Variants in HDAC9 observed in about 807,000 individuals in gnomAD.
The protein encoded by HDAC9 is MEF-2 interacting transcription repressor (MITR) protein.
Under a neutral mutation model 139.4 loss-of-function variants are expected in HDAC9, and 41 were observed. The observed-to-expected ratio is 0.29, with a 90% CI of 0.23 to 0.38. HDAC9 has a LOEUF of 0.38. Among genes scored for constraint, HDAC9 ranks in the 10% least tolerant of loss-of-function variants. The pLI is 1.00. For missense variants in HDAC9, 1,147 were observed against 1,297.0 expected, an observed-to-expected ratio of 0.88 and a Z score of 1.78; for synonymous variants, 517 against 476.2, an observed-to-expected ratio of 1.09 and a Z score of -1.12.
chr7:18,759,191 C>T (rs76722806), intron 14 of HDAC9, among the ~76,000 whole-genome samples: 7 of 152,128 alleles, frequency 4.6e-5, no homozygotes, highest in Admixed American at 1.3e-4. Context: ...AGGGGATGAC[C>T]GATTCAGCAG....
intron 24 of HDAC9, among the ~76,000 whole-genome samples, chr7:18,967,490 A>G (rs1783939378): frequency 7.2e-6 from 1 of 138,776 alleles, no homozygotes; most frequent in African/African-American, 3.0e-5. Context: ...TTTTGTAAAT[A>G]AAGTTGCCCC....
chr7:18,837,098 A>G (rs1455469522), intron 21 of HDAC9, among the ~76,000 whole-genome samples: 3 of 152,050 alleles, frequency 2.0e-5, no homozygotes, highest in African/African-American at 7.2e-5. Context: ...GGTCCAGGAA[A>G]AATGATAGAA....
At chr7:18,249,522 AAC>A (rs1398714611) in intron 2 of HDAC9, among the ~76,000 whole-genome samples, 4,686 of 63,146 alleles carry the variant, frequency 0.074, 440 homozygotes, top group Non-Finnish European at 0.12. Context: ...AAAAAAAAAA[AAC>A]AAAAAAAAAA....
At chr7:18,109,644 T>G (rs1783477489) in intron 1 of HDAC9, among the ~76,000 whole-genome samples, 1 of 152,180 alleles carries the variant, frequency 6.6e-6, no homozygotes, top group Non-Finnish European at 1.5e-5. Flanking sequence ...ATTAAATTTC[T>G]TTAATTGCTG....
chr7:18,879,346 A>G (rs2129252953), intron 22 of HDAC9, among the ~76,000 whole-genome samples: 2 of 152,288 alleles, frequency 1.3e-5, no homozygotes, highest in African/African-American at 4.8e-5. Context: ...AAGAGCCCAA[A>G]TAGCTAAGGC....
chr7:18,437,604 G>A (rs1791330220), intron 1 of HDAC9, among the ~76,000 whole-genome samples: 1 of 149,384 alleles, frequency 6.7e-6, no homozygotes, highest in African/African-American at 2.5e-5. Flanking sequence ...TTTATATAAA[G>A]TATGATATGA....
chr7:18,880,092 C>A (rs1277615003), intron 22 of HDAC9, among the ~76,000 whole-genome samples: 1 of 152,094 alleles, frequency 6.6e-6, no homozygotes, highest in Non-Finnish European at 1.5e-5. Context: ...GAAATGCGAT[C>A]AAAGCCACAA....
chr7:18,687,639 A>T (rs564164548), intron 12 of HDAC9, among the ~76,000 whole-genome samples: 2 of 151,958 alleles, frequency 1.3e-5, no homozygotes, highest in South Asian at 4.1e-4. Flanking sequence ...AAATTATTTC[A>T]ACATATCGAG....
At chr7:18,355,300 G>GT (rs11445595) in intron 1 of HDAC9, among the ~76,000 whole-genome samples, 4,892 of 152,168 alleles carry the variant, frequency 0.032, 268 homozygotes, top group African/African-American at 0.11. Flanking sequence ...ACAAAGGATG[G>GT]TTTAGAGCCT....
intron 14 of HDAC9, among the ~76,000 whole-genome samples, chr7:18,758,241 A>C (rs1007822526): frequency 1.4e-4 from 22 of 152,228 alleles, no homozygotes; most frequent in Non-Finnish European, 2.9e-5. Flanking sequence ...TGTGTGCCCC[A>C]ATATGCTCAG....
intron 1 of HDAC9, among the ~76,000 whole-genome samples, chr7:18,312,693 T>A (rs1224869389): frequency 1.3e-5 from 2 of 152,248 alleles, no homozygotes; most frequent in Admixed American, 6.5e-5. Context: ...AAGATCAAAT[T>A]GTTGAATTAG....
chr7:18,162,225 C>G (rs1369226658), intron 1 of HDAC9: 1 of 998,718 alleles, frequency 1.0e-6, no homozygotes, highest in African/African-American at 1.6e-5. Context: ...TTCTTATGTT[C>G]TAGGTTTCTC....
intron 6 of HDAC9, among the ~76,000 whole-genome samples, chr7:18,615,583 A>C (rs1838357944): frequency 6.6e-6 from 1 of 152,196 alleles, no homozygotes; most frequent in Non-Finnish European, 1.5e-5. Context: ...CAAATACATT[A>C]ATAAAACCTT....
At chr7:18,584,423 G>A (rs963703780) in intron 2 of HDAC9, among the ~76,000 whole-genome samples, 6 of 151,674 alleles carry the variant, frequency 4.0e-5, no homozygotes, top group South Asian at 2.1e-4. Context: ...CCACCGCGCC[G>A]GGCCCTGAAA....
At chr7:18,214,215 A>G (rs1792137365) in intron 2 of HDAC9, among the ~76,000 whole-genome samples, 1 of 152,116 alleles carries the variant, frequency 6.6e-6, no homozygotes, top group East Asian at 1.9e-4. Context: ...TTATCACTAG[A>G]ATGATGATTA....
At chr7:18,170,067 C>G (rs960328587) in intron 2 of HDAC9, among the ~76,000 whole-genome samples, 4 of 152,164 alleles carry the variant, frequency 2.6e-5, no homozygotes, top group South Asian at 2.1e-4. Flanking sequence ...CTAGTTTGCA[C>G]TCCCACCAAC....
intron 17 of HDAC9, among the ~76,000 whole-genome samples, chr7:18,814,159 G>A (rs1190529036): frequency 6.6e-6 from 1 of 152,104 alleles, no homozygotes; most frequent in Non-Finnish European, 1.5e-5. Flanking sequence ...ACCTTGCTGA[G>A]CTTTTCTCAG....
At chr7:18,966,028 A>G (rs568046431) in intron 24 of HDAC9, among the ~76,000 whole-genome samples, 1 of 152,312 alleles carries the variant, frequency 6.6e-6, no homozygotes, top group South Asian at 2.1e-4. Context: ...TTCTGAATGA[A>G]GTATTATTAT....
intron 2 of HDAC9, among the ~76,000 whole-genome samples, chr7:18,279,729 A>G (rs1796978787): frequency 1.3e-5 from 2 of 152,012 alleles, no homozygotes; most frequent in Non-Finnish European, 1.5e-5. Flanking sequence ...CCCCCAAAGT[A>G]CTGGGATTAC....
Sources: gnomAD v4.1 joint callset for allele counts (sites outside exome capture counted in the v4.1 genomes callset) on GRCh38, gnomAD v4.1.1 for gene constraint, MANE v1.5 for transcripts, NCBI Gene and HGNC (gene_info 2026-07-23, HGNC 2026-07-21) for gene names.